The following AKNAD1 variants were observed in gnomAD, a reference collection of about 807,000 sequenced individuals.
The protein encoded by AKNAD1 is AKNA domain containing 1, also known as protein AKNAD1.
In AKNAD1, 67 loss-of-function variants were observed where a neutral mutation model predicts 90.8. The ratio of observed to expected loss-of-function variants is 0.74; its 90% CI spans 0.61 to 0.90. The LOEUF is 0.90. Among genes scored for constraint, AKNAD1 ranks in the 40% least tolerant of loss-of-function variants. The pLI, the probability that AKNAD1 is intolerant of heterozygous loss-of-function variation, is 0.00. For missense variants in AKNAD1, 957 were observed against 975.4 expected, an observed-to-expected ratio of 0.98 and a Z score of 0.25; for synonymous variants, 327 against 341.4, an observed-to-expected ratio of 0.96 and a Z score of 0.46.
At chr1:108,823,314 A>AGG in intron 13 of AKNAD1, 56 bp downstream of exon 13, 1 of 1,356,088 alleles carries the variant, frequency 7.4e-7, no homozygotes, top group Non-Finnish European at 1.1e-6. Flanking sequence ...TGAATGTCCC[A>AGG]TACCTGGGAC....
chr1:108,819,889 C>A (rs1663756287), intron 14 of AKNAD1, among the ~76,000 whole-genome samples: 1 of 139,234 alleles, frequency 7.2e-6, no homozygotes, highest in Non-Finnish European at 1.5e-5. Context: ...GAGGGAGACC[C>A]TATCTCTAAA....
rs558295181 is a variant in AKNAD1, at chr1:108,823,831, A to T, written c.1937-143T>A. The stretch of plus-strand genomic sequence containing the variant: ...ATGTCCCGGCTGTGTCACCAAGAGG[A>T]GTTGCCAGCCTGGGGTAACATTTGG... On this transcript the variant is annotated intron_variant, in intron 11 of 15. Transcript: ENST00000370001. 1.8e-5 allele frequency: 23 copies of T among 1,284,582 alleles called. No individual in the cohort carries two copies. In the African/African-American group the frequency reaches 3.4e-4, roughly 19 times the overall value. 79.6% of individuals were successfully genotyped at this position (1,284,582 alleles called of 1,614,324 possible).
At chr1:108,834,209 G>A (rs1176152178) in intron 9 of AKNAD1, among the ~76,000 whole-genome samples, 1 of 152,084 alleles carries the variant, frequency 6.6e-6, no homozygotes, top group Non-Finnish European at 1.5e-5. Context: ...TGATTCATAG[G>A]CTCGGAGAAG....
chr1:108,842,448 A>G (rs1664578544), intron 6 of AKNAD1, among the ~76,000 whole-genome samples: 1 of 152,230 alleles, frequency 6.6e-6, no homozygotes. Flanking sequence ...AAAGGAGAAT[A>G]CAGTGCCATA....
intron 5 of AKNAD1, among the ~76,000 whole-genome samples, chr1:108,844,969 C>A (rs182122065): frequency 1.9e-4 from 29 of 152,030 alleles, no homozygotes; most frequent in African/African-American, 6.5e-4. Context: ...CAGGTGTGCA[C>A]CACCATGCCT....
chr1:108,822,699 G>C (rs544640973), intron 13 of AKNAD1, among the ~76,000 whole-genome samples: 2 of 152,164 alleles, frequency 1.3e-5, no homozygotes, highest in South Asian at 4.1e-4. Context: ...GCCTGTCAGA[G>C]AACCAGGTAT....
intron 7 of AKNAD1, among the ~76,000 whole-genome samples, chr1:108,836,499 G>A (rs1346357124): frequency 6.6e-6 from 1 of 151,710 alleles, no homozygotes; most frequent in Non-Finnish European, 1.5e-5. Flanking sequence ...TGGGGGTGAG[G>A]AGGGTGGCTG....
chr1:108,830,629 T>TC lies in AKNAD1; in HGVS notation c.1767_1768insG (p.Arg590GlufsTer23). 1.2e-6 allele frequency: 2 copies of TC among 1,614,152 alleles called. No individual in the cohort carries two copies. The highest frequency in any genetic ancestry group is 1.7e-6 in the Non-Finnish European group (2 of 1,180,036). ...GTCATCTCTGCACAATCCTGCCTTC[T>TC]TGGAGTGCCGTTGGGATCCTCCTGC... On this transcript the variant is annotated frameshift_variant, in exon 10 of 16. Coordinates refer to ENST00000370001, the MANE Select transcript of AKNAD1 (RefSeq NM_152763.5). LOFTEE classifies it high-confidence loss of function.
intron 1 of AKNAD1, among the ~76,000 whole-genome samples, chr1:108,853,317 G>A (rs989120346): frequency 2.0e-5 from 3 of 151,810 alleles, no homozygotes; most frequent in Admixed American, 1.3e-4. Flanking sequence ...ATTTTTAGTA[G>A]AGATGGGGTT....
intron 11 of AKNAD1, among the ~76,000 whole-genome samples, chr1:108,826,820 G>A (rs1176007239): frequency 6.9e-6 from 1 of 145,854 alleles, no homozygotes; most frequent in African/African-American, 2.5e-5. Flanking sequence ...GCTCACTGCA[G>A]CCTCAACCTC....
At chr1:108,824,604 C>G (rs1243205362) in intron 11 of AKNAD1, among the ~76,000 whole-genome samples, 1 of 151,682 alleles carries the variant, frequency 6.6e-6, no homozygotes, top group South Asian at 2.1e-4. Context: ...TTTACAAATT[C>G]TTTAACGTGC....
chr1:108,835,331 A>G (rs1664347757), intron 7 of AKNAD1, among the ~76,000 whole-genome samples: 1 of 152,172 alleles, frequency 6.6e-6, no homozygotes. Context: ...AATAGTCATG[A>G]TAGCTAACAC....
At chr1:108,831,781 T>G (rs1346034658) in intron 9 of AKNAD1, among the ~76,000 whole-genome samples, 1 of 151,786 alleles carries the variant, frequency 6.6e-6, no homozygotes, top group African/African-American at 2.4e-5. Flanking sequence ...TGCCCACCAC[T>G]ACCCCCAGCT....
intron 13 of AKNAD1, among the ~76,000 whole-genome samples, chr1:108,821,105 TAAAG>T (rs1663798702): frequency 6.7e-6 from 1 of 150,118 alleles, no homozygotes; most frequent in Non-Finnish European, 1.5e-5. Context: ...AAATTTTTAA[TAAAG>T]AACTTTCTAT....
At position 108,834,534 on chromosome 1, in the gene AKNAD1, T is replaced by TA; in HGVS notation, c.1665-7_1665-6insT. 3 of 1,459,698 alleles carry TA rather than the reference T, an allele frequency of 2.1e-6. No individual in the cohort carries two copies. Among genetic ancestry groups the TA allele is most frequent in the African/African-American group, 2.2e-5 (1 of 45,510 alleles). 90.4% of individuals were successfully genotyped at this position (1,459,698 alleles called of 1,614,324 possible). ...CATAATGACCGTTTAGGTAACTAAT[T>TA]TAAAAAAAAAAAAAGCAGTTTGAAT... On this transcript the variant is annotated splice_region_variant and splice_polypyrimidine_tract_variant and intron_variant, in intron 8 of 15. Coordinates refer to ENST00000370001, the MANE Select transcript of AKNAD1 (RefSeq NM_152763.5).
At chr1:108,840,706 T>C (rs1164875604) in intron 6 of AKNAD1, among the ~76,000 whole-genome samples, 1 of 152,150 alleles carries the variant, frequency 6.6e-6, no homozygotes, top group African/African-American at 2.4e-5. Context: ...TTGTATCTGA[T>C]ATAAGGGGCT....
rs1664035065 is a variant in AKNAD1, at chr1:108,827,316, C to T, written c.1839-14G>A. On this transcript the variant is annotated splice_polypyrimidine_tract_variant and intron_variant, in intron 10 of 15. Coordinates refer to ENST00000370001, the MANE Select transcript of AKNAD1 (RefSeq NM_152763.5). ...ACGTTTTGCTTCCTAAAAAAAGGTG[C>T]ATAAGATCCTGTAAACTTTTAGTGC... 6.4e-7 allele frequency: 1 copy of T among 1,574,142 alleles called. No homozygotes were observed. Among genetic ancestry groups the T allele is most frequent in the Non-Finnish European group, 8.7e-7 (1 of 1,146,656 alleles).
intron 1 of AKNAD1, among the ~76,000 whole-genome samples, chr1:108,854,506 C>T (rs570302340): frequency 1.3e-5 from 2 of 152,046 alleles, no homozygotes; most frequent in African/African-American, 4.8e-5. Context: ...TGAACTAAGT[C>T]GTCCAAGAAA....
intron 7 of AKNAD1, among the ~76,000 whole-genome samples, chr1:108,836,204 G>C (rs76732361): frequency 0.021 from 3,156 of 152,310 alleles, 103 homozygotes; most frequent in African/African-American, 0.073. Context: ...GTAGAGGGCA[G>C]GGCCAACCCT....
Sources: gnomAD v4.1 joint callset for allele counts (sites outside exome capture counted in the v4.1 genomes callset) on GRCh38, gnomAD v4.1.1 for gene constraint, MANE v1.5 for transcripts, NCBI Gene and HGNC (gene_info 2026-07-23, HGNC 2026-07-21) for gene names.